PHTF2: variants seen among roughly 807,000 people sequenced by gnomAD.
PHTF2 encodes protein PHTF2.
A neutral mutation model predicts 101.2 loss-of-function variants in PHTF2; 60 were observed. The ratio of observed to expected loss-of-function variants is 0.59; its 90% confidence interval spans 0.48 to 0.73. The LOEUF (loss-of-function observed/expected upper bound fraction) is 0.73. Among genes scored for constraint, PHTF2 ranks in the 30% least tolerant of loss-of-function variants. PHTF2 has a pLI of 0.00. For synonymous variants in PHTF2, 311 were observed against 307.3 expected (o/e 1.01, Z -0.13); for missense variants, 747 against 908.7 (o/e 0.82, Z 2.29).
At chr7:77,819,832 A>G (rs752545729) in intron 1 of PHTF2, among the ~76,000 whole-genome samples, 1 of 152,218 alleles carries the variant, frequency 6.6e-6, no homozygotes, top group Non-Finnish European at 1.5e-5. Context: ...CTAAAGGTTC[A>G]GTAAAATTCA....
At chr7:77,857,118 G>C (rs1363769931) in intron 3 of PHTF2, among the ~76,000 whole-genome samples, 1 of 152,152 alleles carries the variant, frequency 6.6e-6, no homozygotes, top group African/African-American at 2.4e-5. Context: ...TGGCCACAGT[G>C]ATCAGTCCAG....
exon 2 of PHTF2, chr7:77,840,252 A>G (rs1795766208): frequency 6.2e-7 from 1 of 1,606,566 alleles, no homozygotes; most frequent in African/African-American, 1.3e-5. Flanking sequence ...TTTCAGTGGA[A>G]TAAATGGCGT....
At chr7:77,897,293 ATTTTTTTTT>A (rs10687152) in intron 5 of PHTF2, among the ~76,000 whole-genome samples, 1 of 133,718 alleles carries the variant, frequency 7.5e-6, no homozygotes, top group African/African-American at 2.8e-5. Flanking sequence ...AGCCCATTTC[ATTTTTTTTT>A]TTTTTTTTTG....
chr7:77,848,257 A>G (rs1796464842), intron 2 of PHTF2, among the ~76,000 whole-genome samples: 1 of 151,942 alleles, frequency 6.6e-6, no homozygotes, highest in African/African-American at 2.4e-5. Flanking sequence ...TGGTAGTTCT[A>G]TTTTTAGTTT....
intron 3 of PHTF2, among the ~76,000 whole-genome samples, chr7:77,867,868 G>T (rs777009524): frequency 1.3e-5 from 2 of 152,106 alleles, no homozygotes; most frequent in Admixed American, 6.5e-5. Flanking sequence ...CTTTACATAC[G>T]ATCTTTTGTT....
At chr7:77,949,284 T>C (rs1175445142) in intron 16 of PHTF2, among the ~76,000 whole-genome samples, 2 of 151,986 alleles carry the variant, frequency 1.3e-5, no homozygotes, top group Non-Finnish European at 2.9e-5. Context: ...TTTTAAAATA[T>C]ACAAAAAATT....
chr7:77,899,186 A>G (rs780429422), intron 5 of PHTF2, among the ~76,000 whole-genome samples: 1 of 152,192 alleles, frequency 6.6e-6, no homozygotes, highest in Non-Finnish European at 1.5e-5. Flanking sequence ...TGTTTTAAGC[A>G]CTATACTTGA....
chr7:77,825,859 A>G (rs1466374001), intron 1 of PHTF2, among the ~76,000 whole-genome samples: 3 of 152,224 alleles, frequency 2.0e-5, no homozygotes, highest in Admixed American at 1.3e-4. Flanking sequence ...GGAGAAAAAT[A>G]AACGAAAGAA....
At chr7:77,905,366 T>TA (rs1246122874) in intron 7 of PHTF2, among the ~76,000 whole-genome samples, 1 of 151,880 alleles carries the variant, frequency 6.6e-6, no homozygotes, top group East Asian at 1.9e-4. Context: ...GCTAGGACTA[T>TA]AGGAGCACGC....
At chr7:77,893,851 T>G in intron 4 of PHTF2, 131 bp from the exon 4 acceptor site, 3 of 745,994 alleles carry the variant, frequency 4.0e-6, no homozygotes, top group Non-Finnish European at 4.6e-6. Context: ...TTTCTTTTTA[T>G]CATCTTTCTG....
intron 3 of PHTF2, among the ~76,000 whole-genome samples, chr7:77,886,667 T>C (rs1799877157): frequency 6.6e-6 from 1 of 152,180 alleles, no homozygotes; most frequent in Admixed American, 6.5e-5. Flanking sequence ...CTAGTTCAAA[T>C]TACTTTGGAA....
intron 3 of PHTF2, among the ~76,000 whole-genome samples, chr7:77,873,494 T>C (rs918108501): frequency 2.0e-5 from 3 of 152,064 alleles, no homozygotes; most frequent in Non-Finnish European, 4.4e-5. Context: ...TTTAGTCTAG[T>C]TATAGTTCTA....
intron 18 of PHTF2, among the ~76,000 whole-genome samples, chr7:77,952,646 C>T (rs1413893418): frequency 6.6e-6 from 1 of 152,126 alleles, no homozygotes. Context: ...TGTATATTGC[C>T]TATCTTCAGA....
chr7:77,880,720 G>A (rs974873669), intron 3 of PHTF2, among the ~76,000 whole-genome samples: 5 of 152,128 alleles, frequency 3.3e-5, no homozygotes, highest in African/African-American at 7.2e-5. Flanking sequence ...AGGCCCCCAT[G>A]GTTCTGCCCC....
At chr7:77,840,479 A>G (rs558859419) in intron 2 of PHTF2, among the ~76,000 whole-genome samples, 179 bp downstream of exon 2, 1 of 152,292 alleles carries the variant, frequency 6.6e-6, no homozygotes, top group East Asian at 1.9e-4. Context: ...TTTTTTCTCT[A>G]CTTTTTACTC....
At chr7:77,876,360 G>A (rs928300569) in intron 3 of PHTF2, among the ~76,000 whole-genome samples, 4 of 152,116 alleles carry the variant, frequency 2.6e-5, no homozygotes, top group South Asian at 2.1e-4. Flanking sequence ...TGACTAGGTC[G>A]ATTTTGGTCA....
chr7:77,829,153 C>T (rs181302362), intron 1 of PHTF2, among the ~76,000 whole-genome samples: 40 of 152,272 alleles, frequency 2.6e-4, no homozygotes, highest in African/African-American at 9.1e-4. Context: ...TGAACTCCAG[C>T]CTAGGTGGCA....
intron 1 of PHTF2, among the ~76,000 whole-genome samples, chr7:77,799,187 C>T (rs533060214): frequency 2.0e-5 from 3 of 152,174 alleles, no homozygotes; most frequent in African/African-American, 7.2e-5. Flanking sequence ...TCTCATCAGT[C>T]GGCCGGTGGC....
intron 1 of PHTF2, among the ~76,000 whole-genome samples, chr7:77,810,937 C>G (rs898583424): frequency 6.6e-6 from 1 of 150,948 alleles, no homozygotes; most frequent in Admixed American, 6.6e-5. Context: ...GAGTTTTGCT[C>G]CTGTGGCCCA....
Sources: gnomAD v4.1 joint callset for allele counts (sites outside exome capture counted in the v4.1 genomes callset) on GRCh38, gnomAD v4.1.1 for gene constraint, MANE v1.5 for transcripts, NCBI Gene and HGNC (gene_info 2026-07-23, HGNC 2026-07-21) for gene names.